The following DDX50 variants were observed in gnomAD, a reference collection of about 807,000 sequenced individuals.
DDX50 encodes DExD-box helicase 50, also known as ATP-dependent RNA helicase DDX50.
In DDX50, 56 loss-of-function variants were observed where a neutral mutation model predicts 94.8. The ratio of observed to expected loss-of-function variants is 0.59; its 90% CI spans 0.48 to 0.74. DDX50 has a LOEUF of 0.74. DDX50 is among the 30% of genes least tolerant of loss of function. The probability of loss-of-function intolerance (pLI) is 0.00; values close to 1 mark genes in which losing one functional copy is unlikely to be tolerated. For missense variants in DDX50, 713 were observed against 881.2 expected (o/e 0.81, Z 2.42); for synonymous variants, 264 against 295.4 (o/e 0.89, Z 1.09).
At chr10:68,917,575 TGTG>T (rs1287242880) in intron 7 of DDX50, among the ~76,000 whole-genome samples, 3 of 152,202 alleles carry the variant, frequency 2.0e-5, no homozygotes, top group Admixed American at 6.5e-5. Flanking sequence ...CACTCAAAGA[TGTG>T]GTGGGTTTTC....
intron 11 of DDX50, 84 bp from the exon 12 acceptor site, chr10:68,936,852 A>G: frequency 7.3e-7 from 1 of 1,379,192 alleles, no homozygotes; most frequent in Non-Finnish European, 9.8e-7. Context: ...AAAAAAAAAA[A>G]TTACTCCTTC....
rs1423927599 is a variant in DDX50 at position 68,906,954 on chromosome 10, G to T, written c.331G>T (p.Val111Leu). ...IDEYEKKSKR[V>L]SSLDTSTHKS... ...TGAATATGAAAAAAAATCAAAGCGA[G>T]TATCATCTTTAGATACTTCTACTCA... The change falls in exon 2 of 15, where the codon GTA (valine) becomes TTA (leucine). Residue 111 changes from valine to leucine, a missense_variant. Physicochemically the swap from Val to Leu is conservative, Grantham distance 32. Transcript: ENST00000373585. 2.5e-6 allele frequency: 4 copies of T among 1,599,274 alleles called. No individual in the cohort carries two copies.
At chr10:68,915,430 A>G (rs1179777289) in intron 7 of DDX50, among the ~76,000 whole-genome samples, 1 of 149,914 alleles carries the variant, frequency 6.7e-6, no homozygotes, top group East Asian at 2.0e-4. Context: ...AATAAAAGAA[A>G]AAAAAGGCTG....
In DDX50 at chr10:68,931,800, T is replaced by C. The variant is rs1194349644; in HGVS notation, c.1240-2399T>C. 2.6e-5 allele frequency among the ~76,000 whole-genome samples: 4 copies of C among 152,234 alleles called. No homozygotes were observed. The East Asian group carries it at 7.7e-4, about 29-fold the overall frequency. On this transcript the variant is annotated intron_variant, in intron 8 of 14. Transcript: ENST00000373585. ...TTTCATATTGTCCTCAGGATAAAGT[T>C]CATATTCTATTCCAATCTCATCTCT...
chr10:68,910,800 A>G (rs1167709676), intron 3 of DDX50, among the ~76,000 whole-genome samples: 1 of 152,234 alleles, frequency 6.6e-6, no homozygotes, highest in Non-Finnish European at 1.5e-5. Flanking sequence ...CATAAAAAGC[A>G]TAGAGAAGTA....
At chr10:68,929,404 C>T (rs1842189890) in intron 8 of DDX50, among the ~76,000 whole-genome samples, 1 of 142,358 alleles carries the variant, frequency 7.0e-6, no homozygotes, top group Admixed American at 7.4e-5. Flanking sequence ...TCTTTCCTTT[C>T]TTCCTTCCTT....
intron 3 of DDX50, 126 bp downstream of exon 3, chr10:68,910,508 T>C (rs532950128): frequency 1.5e-6 from 1 of 648,052 alleles, no homozygotes; most frequent in East Asian, 3.1e-5. Flanking sequence ...GTTCAAGCGA[T>C]TCTCCTACCT....
In DDX50 at chr10:68,934,268, G is replaced by A. The variant is rs766587619; in HGVS notation, c.1309G>A (p.Gly437Ser). 6.2e-7 allele frequency: 1 copy of A among 1,613,210 alleles called. No individual in the cohort carries two copies. The highest frequency in any genetic ancestry group is 8.5e-7 in the Non-Finnish European group (1 of 1,179,842). The stretch of plus-strand genomic sequence containing the variant: ...AATTACACTAAAAGGCTTCAGAGAA[G>A]GTAGTTTTAAAGTTTTGGTGGCAAC... Reference protein sequence around the residue: ...REITLKGFREGSFKVLVATNV... With the variant: ...REITLKGFRESSFKVLVATNV... The change falls in exon 9 of 15, where the codon GGT becomes AGT. Residue 437 changes from glycine (G) to serine (S), a missense_variant. Physicochemically the swap from Gly to Ser is moderately conservative, Grantham distance 56. Coordinates refer to ENST00000373585, the MANE Select transcript of DDX50 (RefSeq NM_024045.2). This position sits in a 1 kb window ranked among gnomAD's most constrained non-coding sequence, Gnocchi z 4.0.
chr10:68,935,257 T>C (rs969525003), intron 10 of DDX50, among the ~76,000 whole-genome samples: 1 of 152,242 alleles, frequency 6.6e-6, no homozygotes, highest in African/African-American at 2.4e-5. Context: ...TATGGTACAA[T>C]AGACAGTTTC....
chr10:68,905,536 T>G (rs1158061561), intron 1 of DDX50, among the ~76,000 whole-genome samples: 2 of 152,236 alleles, frequency 1.3e-5, no homozygotes, highest in Non-Finnish European at 2.9e-5. Flanking sequence ...CAGTTTCTAG[T>G]ACTTATAGCT....
chr10:68,905,196 C>G (rs1036484748), intron 1 of DDX50, among the ~76,000 whole-genome samples: 2 of 152,132 alleles, frequency 1.3e-5, no homozygotes, highest in African/African-American at 4.8e-5. Flanking sequence ...GGATTATAGG[C>G]GTGAACCACC....
chr10:68,945,257 A>T (rs1172634408), intron 14 of DDX50, among the ~76,000 whole-genome samples: 1 of 151,992 alleles, frequency 6.6e-6, no homozygotes, highest in Non-Finnish European at 1.5e-5. Flanking sequence ...CCCAAAAAGT[A>T]CCAGTATTGG....
intron 12 of DDX50, among the ~76,000 whole-genome samples, chr10:68,937,829 G>T (rs1033369003): frequency 4.6e-5 from 7 of 151,970 alleles, no homozygotes; most frequent in Admixed American, 3.3e-4. Context: ...CAGGTGATCT[G>T]CCCTCCTCAG....
intron 10 of DDX50, 87 bp from the exon 11 acceptor site, chr10:68,935,919 A>C (rs1042759884): frequency 1.1e-6 from 1 of 878,292 alleles, no homozygotes; most frequent in African/African-American, 1.7e-5. Flanking sequence ...TGCAAGAAAT[A>C]GAAATTCAAC....
At chr10:68,917,092 A>C (rs1044767938) in intron 7 of DDX50, among the ~76,000 whole-genome samples, 1 of 152,150 alleles carries the variant, frequency 6.6e-6, no homozygotes, top group South Asian at 2.1e-4. Flanking sequence ...TGACGTTGCT[A>C]CTGATTGATA....
chr10:68,901,584 C>G, intron 1 of DDX50, 113 bp downstream of exon 1: 3 of 1,139,148 alleles, frequency 2.6e-6, no homozygotes, highest in Non-Finnish European at 3.7e-6. Context: ...ATCCGAGGGC[C>G]TCCCTTCGCG....
rs1183387158 is a variant in DDX50, at chr10:68,936,047, T to C, written c.1563T>C (p.Asp521=). 6.2e-7 allele frequency: 1 copy of C among 1,610,374 alleles called. No homozygotes were observed. The highest frequency in any genetic ancestry group is 1.3e-5 in the African/African-American group (1 of 74,714). Residue 521 remains aspartate, a synonymous_variant, in exon 11 of 15, where the codon GAT becomes GAC. Coordinates refer to ENST00000373585, the MANE Select transcript of DDX50 (RefSeq NM_024045.2). ...GTGTAGGTGTTCCTTCTACAATGGA[T>C]TTAGTTAAATCTAAAAGCATGGATG... ...FKRVGVPSTM[D]LVKSKSMDAI...
At chr10:68,904,788 AC>A (rs1354063762) in intron 1 of DDX50, among the ~76,000 whole-genome samples, 3 of 152,174 alleles carry the variant, frequency 2.0e-5, no homozygotes, top group Non-Finnish European at 4.4e-5. Flanking sequence ...TTTCTGTAGA[AC>A]CTATTGGTTT....
chr10:68,937,211 G>C, intron 12 of DDX50, 116 bp downstream of exon 12: 1 of 1,117,964 alleles, frequency 8.9e-7, no homozygotes, highest in South Asian at 2.4e-5. Flanking sequence ...TGCTCTATGA[G>C]AAACTGGTCT....
Sources: gnomAD v4.1 joint callset for allele counts (sites outside exome capture counted in the v4.1 genomes callset) on GRCh38, gnomAD v4.1.1 for gene constraint, Gnocchi (gnomAD v3.1) non-coding constraint, MANE v1.5 for transcripts, NCBI Gene and HGNC (gene_info 2026-07-23, HGNC 2026-07-21) for gene names.